Variants in EPB41L3 observed in about 807,000 individuals in gnomAD.
The protein encoded by EPB41L3 is erythrocyte membrane protein band 4.1 like 3.
Under a neutral mutation model 127.1 loss-of-function variants are expected in EPB41L3, and 57 were observed. The ratio of observed to expected loss-of-function variants is 0.45; its 90% CI spans 0.36 to 0.56. EPB41L3 has a LOEUF of 0.56. EPB41L3 is among the 20% of genes least tolerant of loss of function. The pLI is 0.00. For missense variants in EPB41L3, 1,273 were observed against 1,372.2 expected (o/e 0.93, Z 1.14); for synonymous variants, 572 against 549.5 (o/e 1.04, Z -0.57).
At chr18:5,409,000 T>C (rs1366041422) in intron 14 of EPB41L3, among the ~76,000 whole-genome samples, 1 of 152,146 alleles carries the variant, frequency 6.6e-6, no homozygotes, top group Non-Finnish European at 1.5e-5. Context: ...AAGAAAATCA[T>C]TTAGTCTATC....
At chr18:5,507,734 T>TA (rs1406462761) in intron 1 of EPB41L3, among the ~76,000 whole-genome samples, 2 of 152,090 alleles carry the variant, frequency 1.3e-5, no homozygotes, top group African/African-American at 2.4e-5. Flanking sequence ...ATTCCAGTAT[T>TA]AAAAAAAGAA....
chr18:5,397,645 C>G lies in EPB41L3; in HGVS notation c.2473-219G>C, dbSNP rs2073794338. Among the ~76,000 whole-genome samples the G allele has an allele frequency of 6.6e-6, 1 of 152,172 alleles. No individual in the cohort carries two copies. Among genetic ancestry groups the G allele is most frequent in the South Asian group, 2.1e-4 (1 of 4,832 alleles). On this transcript the variant is annotated intron_variant, in intron 17 of 22. Coordinates refer to ENST00000341928, the MANE Select transcript of EPB41L3 (RefSeq NM_012307.5). The surrounding 1 kb of genome is among the most constrained non-coding windows in gnomAD (Gnocchi z 4.1). Reference sequence around the variant, plus strand: ...TGCACTTGAACCTGCGCTGCTGCTTCAGGACATCCGCAAAACAAACGGAAG... The same window carrying G: ...TGCACTTGAACCTGCGCTGCTGCTTGAGGACATCCGCAAAACAAACGGAAG...
At chr18:5,449,633 T>G (rs917742064) in intron 3 of EPB41L3, among the ~76,000 whole-genome samples, 2 of 152,202 alleles carry the variant, frequency 1.3e-5, no homozygotes, top group African/African-American at 4.8e-5. Flanking sequence ...GATAACGGAA[T>G]AATGTTCATT....
chr18:5,530,357 C>G (rs905082935), intron 1 of EPB41L3, among the ~76,000 whole-genome samples: 2 of 152,112 alleles, frequency 1.3e-5, no homozygotes, highest in Non-Finnish European at 2.9e-5. Context: ...TCAAAAAACA[C>G]TCATTTTTAC....
At chr18:5,442,074 T>G (rs1003677409) in intron 5 of EPB41L3, among the ~76,000 whole-genome samples, 3 of 152,202 alleles carry the variant, frequency 2.0e-5, no homozygotes, top group African/African-American at 7.2e-5. Context: ...TCAAAGTACT[T>G]TGCAATTATT....
chr18:5,451,772 A>C (rs1378472301), intron 3 of EPB41L3, among the ~76,000 whole-genome samples: 2 of 152,202 alleles, frequency 1.3e-5, no homozygotes, highest in African/African-American at 2.4e-5. Flanking sequence ...GGCACTTAAA[A>C]CATGTCAATG....
chr18:5,557,530 G>T (rs2094057026), intron 3 of EPB41L3, among the ~76,000 whole-genome samples: 1 of 152,036 alleles, frequency 6.6e-6, no homozygotes, highest in Non-Finnish European at 1.5e-5. Context: ...AATTACAGGC[G>T]TGTGCCACTA....
intron 3 of EPB41L3, among the ~76,000 whole-genome samples, chr18:5,576,439 A>G (rs1253301807): frequency 2.6e-5 from 4 of 152,210 alleles, no homozygotes; most frequent in Non-Finnish European, 5.9e-5. Context: ...TCCCTTCTGA[A>G]ACATTAAGAA....
intron 2 of EPB41L3, chr18:5,612,542 A>G (rs2094739727): frequency 6.6e-6 from 1 of 152,234 alleles, no homozygotes; most frequent in African/African-American, 2.4e-5. Flanking sequence ...TAGTCCTGAT[A>G]ATGAATGGTG....
At chr18:5,409,721 A>AC (rs1555647681) in intron 14 of EPB41L3, among the ~76,000 whole-genome samples, 4 of 151,310 alleles carry the variant, frequency 2.6e-5, no homozygotes, top group Admixed American at 1.3e-4. Context: ...GCAAAAAAAA[A>AC]CATATAAACA....
At chr18:5,574,644 G>T (rs1041086601) in intron 3 of EPB41L3, among the ~76,000 whole-genome samples, 1 of 152,016 alleles carries the variant, frequency 6.6e-6, no homozygotes, top group African/African-American at 2.4e-5. Context: ...CCAGGCAGAG[G>T]CTCTGCCTAT....
At chr18:5,481,596 C>A (rs1042169964) in intron 2 of EPB41L3, among the ~76,000 whole-genome samples, 1 of 152,150 alleles carries the variant, frequency 6.6e-6, no homozygotes, top group South Asian at 2.1e-4. Flanking sequence ...GAAATATCCC[C>A]GAGGACAGGC....
intron 8 of EPB41L3, chr18:5,431,343 A>C (rs1489815510): frequency 6.6e-6 from 1 of 152,230 alleles, no homozygotes; most frequent in African/African-American, 2.4e-5. Context: ...GATTAGTTCC[A>C]ATTTGTTTCA....
chr18:5,582,731 T>C (rs889521740), intron 3 of EPB41L3, among the ~76,000 whole-genome samples: 1 of 152,210 alleles, frequency 6.6e-6, no homozygotes, highest in African/African-American at 2.4e-5. Flanking sequence ...TCTACACAAA[T>C]TGTTTATGAC....
intron 22 of EPB41L3, 114 bp from the exon 23 acceptor site, chr18:5,393,592 C>A (rs1242443006): frequency 1.6e-6 from 1 of 637,336 alleles, no homozygotes. Flanking sequence ...GGACAAGATG[C>A]CATGACATTC....
At chr18:5,544,934 T>C (rs568387076), upstream of EPB41L3, among the ~76,000 whole-genome samples, 4 of 152,028 alleles carry the variant, frequency 2.6e-5, no homozygotes, top group Non-Finnish European at 4.4e-5. Flanking sequence ...CCCACAAAAA[T>C]TGAAAATAAA....
intron 1 of EPB41L3, among the ~76,000 whole-genome samples, chr18:5,500,104 GT>G (rs1401283456): frequency 3.3e-5 from 5 of 152,092 alleles, no homozygotes; most frequent in Admixed American, 3.3e-4. Flanking sequence ...TTTTGAAGCT[GT>G]TATTAGTGGG....
At chr18:5,541,252 CAAAAAAAAA>C (rs370717420) in intron 1 of EPB41L3, among the ~76,000 whole-genome samples, 5 of 46,760 alleles carry the variant, frequency 1.1e-4, no homozygotes, top group Non-Finnish European at 1.3e-4. Flanking sequence ...GACTCCATCT[CAAAAAAAAA>C]AAAAAAAAAA....
At chr18:5,604,517 A>T (rs1480700121) in intron 3 of EPB41L3, among the ~76,000 whole-genome samples, 3 of 152,038 alleles carry the variant, frequency 2.0e-5, no homozygotes, top group African/African-American at 7.2e-5. Flanking sequence ...GCAGTGGCAC[A>T]ATCTTGGCTC....
Sources: gnomAD v4.1 joint callset for allele counts (sites outside exome capture counted in the v4.1 genomes callset) on GRCh38, gnomAD v4.1.1 for gene constraint, Gnocchi (gnomAD v3.1) non-coding constraint, MANE v1.5 for transcripts, NCBI Gene and HGNC (gene_info 2026-07-23, HGNC 2026-07-21) for gene names.